The following FAM83D variants were observed in gnomAD, a reference collection of about 807,000 sequenced individuals.
The protein encoded by FAM83D is scaffolding CK1 anchoring protein D.
Under a neutral mutation model 25.4 loss-of-function variants are expected in FAM83D, and 26 were observed. The observed-to-expected ratio is 1.02, with a 90% confidence interval of 0.75 to 1.42. FAM83D has a LOEUF of 1.42. FAM83D is among the 40% of genes most tolerant of loss of function. The pLI is 0.00. For missense variants in FAM83D, 740 were observed against 758.1 expected (o/e 0.98, Z 0.28); for synonymous variants, 310 against 318.5 (o/e 0.97, Z 0.28).
intron 2 of FAM83D, 49 bp downstream of exon 2, chr20:38,942,175 A>G: frequency 6.3e-7 from 1 of 1,595,372 alleles, no homozygotes. Context: ...AAATATGACC[A>G]AGCATCCATT....
At position 38,952,001 on chromosome 20, in the gene FAM83D, C is replaced by A. The variant is rs781697096; in HGVS notation, c.1239C>A (p.Ile413=). The change falls in exon 4 of 4, where the codon ATC becomes ATA. Residue 413 remains isoleucine (I), a synonymous_variant. Coordinates refer to ENST00000619850, the MANE Select transcript of FAM83D (RefSeq NM_030919.3). ...GTGAGGTGGGAACACAAACCAGCAT[C>A]ACCACAGCATGTGCTGGTACCCAGA... The part of the protein sequence containing the change: ...SVSEVGTQTS[I]TTACAGTQTA... The A allele has an allele frequency of 6.2e-7, 1 of 1,614,188 alleles. No homozygotes were observed. Among genetic ancestry groups the A allele is most frequent in the Non-Finnish European group, 8.5e-7 (1 of 1,180,044 alleles).
rs1322542342 is a variant in FAM83D, at chr20:38,944,711, G to A, written c.651+2585G>A. ...TCCCAGCACTTTGGGAGGCCGAGGC[G>A]GGTGGATCACGAGGTCAGGAGATCG... On this transcript the variant is annotated intron_variant, in intron 2 of 3. Transcript: ENST00000619850. 2.0e-5 allele frequency among the ~76,000 whole-genome samples: 3 copies of A among 152,106 alleles called. No homozygotes were observed. The East Asian group carries it at 5.8e-4, about 29-fold the overall frequency.
chr20:38,939,057 C>T (rs1408301003), intron 1 of FAM83D, among the ~76,000 whole-genome samples: 1 of 152,334 alleles, frequency 6.6e-6, no homozygotes, highest in South Asian at 2.1e-4. Flanking sequence ...CTCATTCATC[C>T]GTCTTTTCCA....
chr20:38,938,420 A>ATT (rs2085687533), intron 1 of FAM83D, among the ~76,000 whole-genome samples: 2 of 152,118 alleles, frequency 1.3e-5, no homozygotes, highest in Non-Finnish European at 2.9e-5. Context: ...GAGGACAGGG[A>ATT]TTGACACTAG....
At chr20:38,946,069 G>T (rs2085726482) in intron 2 of FAM83D, among the ~76,000 whole-genome samples, 1 of 151,808 alleles carries the variant, frequency 6.6e-6, no homozygotes, top group Non-Finnish European at 1.5e-5. Context: ...AATTAACCAG[G>T]CATGATGGCA....
intron 2 of FAM83D, among the ~76,000 whole-genome samples, chr20:38,947,532 C>T (rs575312722): frequency 6.6e-6 from 1 of 152,210 alleles, no homozygotes; most frequent in African/African-American, 2.4e-5. Flanking sequence ...TTATCCCACA[C>T]ATTTTGCTTC....
chr20:38,944,638 G>A (rs991893877), intron 2 of FAM83D, among the ~76,000 whole-genome samples: 6 of 152,112 alleles, frequency 3.9e-5, no homozygotes, highest in Admixed American at 2.6e-4. Context: ...CTGCAGGGGG[G>A]TTTAAGAAGG....
chr20:38,944,764 C>T (rs543266787), intron 2 of FAM83D, among the ~76,000 whole-genome samples: 23 of 152,182 alleles, frequency 1.5e-4, no homozygotes, highest in Middle Eastern at 3.4e-3. Context: ...ACGGTGAAAC[C>T]GCGTCTCTAC....
chr20:38,941,542 C>G (rs2085701941), intron 1 of FAM83D, among the ~76,000 whole-genome samples: 1 of 152,162 alleles, frequency 6.6e-6, no homozygotes, highest in African/African-American at 2.4e-5. Flanking sequence ...AAACTGAAGC[C>G]TGGTGGGGAA....
intron 1 of FAM83D, among the ~76,000 whole-genome samples, chr20:38,935,007 T>C (rs939495829): frequency 6.6e-6 from 1 of 152,242 alleles, no homozygotes; most frequent in African/African-American, 2.4e-5. Flanking sequence ...CATAGTTATA[T>C]ACATAATACA....
chr20:38,936,209 A>G (rs1367341646), intron 1 of FAM83D, among the ~76,000 whole-genome samples: 1 of 152,228 alleles, frequency 6.6e-6, no homozygotes, highest in Admixed American at 6.5e-5. Context: ...CCTCCTTCAC[A>G]CAGAGGAAGA....
intron 1 of FAM83D, among the ~76,000 whole-genome samples, chr20:38,936,193 G>A (rs147418769): frequency 6.6e-6 from 1 of 152,292 alleles, no homozygotes; most frequent in East Asian, 1.9e-4. Flanking sequence ...TGATCGGTAC[G>A]AACTTCCTCC....
Position 38,926,474 on chromosome 20 carries a change from T to C in FAM83D, c.32T>C (p.Val11Ala). 1 of 1,596,462 alleles carries C rather than the reference T, an allele frequency of 6.3e-7. No homozygotes were observed. Among genetic ancestry groups the C allele is most frequent in the Non-Finnish European group, 8.5e-7 (1 of 1,178,100 alleles). ...CTGCTGTCCGAGGGCCTGGACGAGG[T>C]GCCCGCCGCCTGCCTGTCGCCGTGC... Reference protein sequence around the residue: MALLSEGLDEVPAACLSPCGP... With the variant: MALLSEGLDEAPAACLSPCGP... Residue 11 changes from valine (V) to alanine (A), a missense_variant, in exon 1 of 4, where the codon GTG becomes GCG. By Grantham distance (64) the Val-to-Ala change is moderately conservative. Around this residue, in one of 3 missense-constraint regions of FAM83D, gnomAD observed 333 missense variants for 298.6 expected, o/e 1.12. Coordinates refer to ENST00000619850, the MANE Select transcript of FAM83D (RefSeq NM_030919.3).
At chr20:38,928,932 A>G (rs554584384) in intron 1 of FAM83D, among the ~76,000 whole-genome samples, 1 of 152,266 alleles carries the variant, frequency 6.6e-6, no homozygotes, top group Non-Finnish European at 1.5e-5. Flanking sequence ...TAATCCCAGC[A>G]CTTTGGGAGG....
In FAM83D at chr20:38,926,698, G is replaced by A. The variant is rs1481884477; in HGVS notation, c.256G>A (p.Ala86Thr). Residue 86 changes from alanine to threonine, a missense_variant, in exon 1 of 4, where the codon GCC becomes ACC. Coordinates refer to ENST00000619850, the MANE Select transcript of FAM83D (RefSeq NM_030919.3). ...GGAGGGCGCGGCGGCGGCGGCGGCGGCCGAGGACTCGTTCGGCTCCTCGCA... is the reference window on the plus strand; with the variant it reads ...GGAGGGCGCGGCGGCGGCGGCGGCGACCGAGGACTCGTTCGGCTCCTCGCA... ...GEEGAAAAAAAEDSFGSSHDC... is the reference protein window; with the variant it reads ...GEEGAAAAAATEDSFGSSHDC... The A allele has an allele frequency of 7.9e-6, 12 of 1,520,550 alleles. No individual in the cohort carries two copies. The African/African-American group carries it at 1.1e-4, about 14-fold the overall frequency. The allele number at this position is 1,520,550 out of a possible 1,614,324, so 94.2% of individuals were successfully genotyped here. A position where few individuals can be genotyped will look rare whatever the true frequency, so the allele number is the denominator to read the frequency against.
chr20:38,944,334 G>A (rs902984274), intron 2 of FAM83D, among the ~76,000 whole-genome samples: 1 of 152,228 alleles, frequency 6.6e-6, no homozygotes, highest in African/African-American at 2.4e-5. Context: ...AGACAGCCAT[G>A]TAACCCAACA....
intron 1 of FAM83D, among the ~76,000 whole-genome samples, chr20:38,932,024 A>T (rs1204337647): frequency 6.6e-6 from 1 of 151,974 alleles, no homozygotes; most frequent in African/African-American, 2.4e-5. Context: ...CCCTTCCTTG[A>T]CTCTTGTTTC....
chr20:38,942,214 C>T, intron 2 of FAM83D, 88 bp downstream of exon 2: 1 of 1,434,668 alleles, frequency 7.0e-7, no homozygotes, highest in Non-Finnish European at 9.7e-7. Flanking sequence ...GGCGGTATCC[C>T]TGTTTACAAG....
chr20:38,952,578 C>G lies in FAM83D; in HGVS notation c.*58C>G. 1 of 1,532,624 alleles carries G rather than the reference C, an allele frequency of 6.5e-7. No individual in the cohort carries two copies. Among genetic ancestry groups the G allele is most frequent in the Non-Finnish European group, 8.8e-7 (1 of 1,138,832 alleles). The allele number at this position is 1,532,624 out of a possible 1,614,324, so 94.9% of individuals were successfully genotyped here. ...GGCTTACAGTGGACATCATCAGCTT[C>G]CTGCTTTAAAAAATATCTTATGTCC... is the stretch of plus-strand genomic sequence containing the variant. On this transcript the variant is annotated 3_prime_UTR_variant, in exon 4 of 4. Coordinates refer to ENST00000619850, the MANE Select transcript of FAM83D (RefSeq NM_030919.3).
Sources: gnomAD v4.1 joint callset for allele counts (sites outside exome capture counted in the v4.1 genomes callset) on GRCh38, gnomAD v4.1.1 for gene constraint, gnomAD v4.1.1 regional missense constraint, MANE v1.5 for transcripts, NCBI Gene and HGNC (gene_info 2026-07-23, HGNC 2026-07-21) for gene names.